Variants in SMPDL3A observed in about 807,000 individuals in gnomAD.
SMPDL3A encodes cyclic GMP-AMP phosphodiesterase SMPDL3A.
SMPDL3A carries 39 observed loss-of-function variants against 38.5 expected under a neutral mutation model. The ratio of observed to expected loss-of-function variants is 1.01; its 90% confidence interval spans 0.78 to 1.32. The LOEUF is 1.32. Among genes scored for constraint, SMPDL3A ranks in the 40% most tolerant of loss-of-function variants. SMPDL3A has a pLI of 0.00. For missense variants in SMPDL3A, 502 were observed against 536.2 expected (o/e 0.94, Z 0.63); for synonymous variants, 180 against 194.3 (o/e 0.93, Z 0.61).
chr6:122,789,576 G>A, intron 1 of SMPDL3A, 118 bp downstream of exon 1: 1 of 1,013,194 alleles, frequency 9.9e-7, no homozygotes, highest in Non-Finnish European at 1.5e-6. Flanking sequence ...TCGGGCTAGC[G>A]GGGCCCCTGA....
At position 122,806,314 on chromosome 6, in the gene SMPDL3A, G is replaced by T. The variant is rs768565000; in HGVS notation, c.1001G>T (p.Gly334Val). The change falls in exon 7 of 8, where the codon GGT (glycine) becomes GTT (valine). Residue 334 changes from glycine (G) to valine (V), a missense_variant. Physicochemically the swap from Gly to Val is moderately radical, Grantham distance 109 (BLOSUM62 -3). Coordinates refer to ENST00000368440, the MANE Select transcript of SMPDL3A (RefSeq NM_006714.5). ...TTAGAAAAACAGACCAACAATCCTG[G>T]TATCAGACTGTTTCAGTATGATCCT... ...SVLEKQTNNP[G>V]IRLFQYDPRD... 38 of 1,613,194 alleles carry T rather than the reference G, an allele frequency of 2.4e-5. No homozygotes were observed. The highest frequency in any genetic ancestry group is 3.2e-5 in the Non-Finnish European group (38 of 1,179,446).
intron 3 of SMPDL3A, among the ~76,000 whole-genome samples, chr6:122,797,934 G>C (rs1422936449): frequency 6.6e-6 from 1 of 152,142 alleles, no homozygotes; most frequent in Non-Finnish European, 1.5e-5. Flanking sequence ...CCATACGCTA[G>C]ATCTTTTTAC....
chr6:122,801,338 T>G lies in SMPDL3A; in HGVS notation c.500T>G (p.Val167Gly), dbSNP rs148272814. Residue 167 changes from valine to glycine, a missense_variant, in exon 4 of 8, where the codon GTG (valine) becomes GGG (glycine). Transcript: ENST00000368440. Reference protein sequence around the residue: ...QDQLPVVTSKVYNAVANLWKP... With the variant: ...QDQLPVVTSKGYNAVANLWKP... Reference sequence around the variant, plus strand: ...CAACTGCCTGTAGTCACCAGTAAAGTGTACAATGCAGTAGCAAACCTCTGG... The same window carrying G: ...CAACTGCCTGTAGTCACCAGTAAAGGGTACAATGCAGTAGCAAACCTCTGG... The G allele has an allele frequency of 2.2e-4, 357 of 1,613,446 alleles. 1 individual carries two copies. In the African/African-American group the frequency reaches 4.5e-3, roughly 21 times the overall value.
At position 122,805,043 on chromosome 6, in the gene SMPDL3A, T is replaced by C. The variant is rs1582556455; in HGVS notation, c.873T>C (p.Tyr291=). The C allele has an allele frequency of 1.2e-6, 2 of 1,613,186 alleles. No homozygotes were observed. ...GTGATGTCATTGCAGGACAATTTTA[T>C]GGACACACTCACAGAGACAGCATTA... ...KYSDVIAGQF[Y]GHTHRDSIMV... Residue 291 remains tyrosine, a synonymous_variant, in exon 6 of 8, where the codon TAT becomes TAC. Transcript: ENST00000368440.
chr6:122,799,801 T>C (rs2115168152), intron 3 of SMPDL3A, among the ~76,000 whole-genome samples: 2 of 152,270 alleles, frequency 1.3e-5, no homozygotes, highest in East Asian at 3.9e-4. Flanking sequence ...AAAATAACTT[T>C]TGATAAACTC....
At chr6:122,802,305 G>A (rs943852296) in intron 4 of SMPDL3A, among the ~76,000 whole-genome samples, 4 of 150,730 alleles carry the variant, frequency 2.7e-5, no homozygotes, top group Admixed American at 6.6e-5. Flanking sequence ...GGTTTCAAGC[G>A]ATTCTCCTGC....
chr6:122,793,984 T>C (rs1781159274), intron 1 of SMPDL3A, among the ~76,000 whole-genome samples: 1 of 152,184 alleles, frequency 6.6e-6, no homozygotes, highest in African/African-American at 2.4e-5. Context: ...AAAAAATCTC[T>C]TTATTAAAAC....
In SMPDL3A at chr6:122,808,942, C is replaced by T. The variant is rs1781758010; in HGVS notation, c.1045-149C>T. On this transcript the variant is annotated intron_variant, in intron 7 of 7. Transcript: ENST00000368440. ...CTCCTGACCTCAGGTAACCCACCTG[C>T]CTCAGCCTCTCAAAGTGCTAGGATT... 6 of 636,372 alleles carry T rather than the reference C, an allele frequency of 9.4e-6. No homozygotes were observed. In the South Asian group the frequency reaches 1.2e-4, roughly 13 times the overall value. The allele number at this position is 636,372 out of a possible 1,614,324, so 39.4% of individuals were successfully genotyped here.
At position 122,804,816 on chromosome 6, in the gene SMPDL3A, A is replaced by G. The variant is rs1004632029; in HGVS notation, c.739-93A>G. On this transcript the variant is annotated intron_variant, in intron 5 of 7. Transcript: ENST00000368440. ...ATATTTGCTTTCTAAATTTTAATTA[A>G]TATACTTTCAATCTTGGGTATCCAA... The G allele has an allele frequency of 4.5e-5, 46 of 1,027,532 alleles. 1 individual carries two copies. In the Admixed American group the frequency reaches 7.4e-4, roughly 16 times the overall value. 63.7% of individuals were successfully genotyped at this position (1,027,532 alleles called of 1,614,324 possible). A position where few individuals can be genotyped will look rare whatever the true frequency, so the allele number is the denominator to read the frequency against.
chr6:122,801,246 T>C (rs139425917), intron 3 of SMPDL3A, 64 bp from the exon 4 acceptor site: 11,308 of 1,114,074 alleles, frequency 0.01, 81 homozygotes, highest in Non-Finnish European at 0.014. Flanking sequence ...GCTCAAGTAG[T>C]GTTTACATTA....
rs1163895098 is a variant in SMPDL3A, at chr6:122,792,264, A to C, written c.112+2806A>C. ...CAGTGAATTTAAATGATTATCCCCT[A>C]ATTTATCTGTCTGGAATGCCATGCA... On this transcript the variant is annotated intron_variant, in intron 1 of 7. Coordinates refer to ENST00000368440, the MANE Select transcript of SMPDL3A (RefSeq NM_006714.5). 2.6e-5 allele frequency among the ~76,000 whole-genome samples: 4 copies of C among 152,264 alleles called. No homozygotes were observed. In the East Asian group the frequency reaches 7.7e-4, roughly 29 times the overall value.
At position 122,809,400 on chromosome 6, in the gene SMPDL3A, A is replaced by T. The variant is rs753742347; in HGVS notation, c.1354A>T (p.Asn452Tyr). 9.4e-6 allele frequency: 15 copies of T among 1,599,218 alleles called. No individual in the cohort carries two copies. The highest frequency in any genetic ancestry group is 1.2e-5 in the Non-Finnish European group (14 of 1,169,628). ...CCTCAAACAGCTTTATATAAAGCAC[A>T]ATTACTAGTATTTCACAGTTTTTGC... ...DCLKQLYIKH[N>Y]Y Residue 452 changes from asparagine (N) to tyrosine (Y), a missense_variant, in exon 8 of 8, where the codon AAT becomes TAT. Physicochemically the swap from Asn to Tyr is moderately radical, Grantham distance 143. Transcript: ENST00000368440.
chr6:122,792,973 G>A (rs570587817), intron 1 of SMPDL3A, among the ~76,000 whole-genome samples: 1 of 152,292 alleles, frequency 6.6e-6, no homozygotes, highest in Admixed American at 6.5e-5. Flanking sequence ...TGTGGACTCT[G>A]GAGTCAGATT....
chr6:122,804,962 C>T lies in SMPDL3A; in HGVS notation c.792C>T (p.Ile264=), dbSNP rs746511092. The change falls in exon 6 of 8, where the codon ATC becomes ATT. Residue 264 remains isoleucine, a synonymous_variant. Coordinates refer to ENST00000368440, the MANE Select transcript of SMPDL3A (RefSeq NM_006714.5). ...GGTATCTGCCATCTTCACAGAACAT[C>T]ACAGCAATGAGAGAATACTATAATG... The part of the protein sequence containing the change: ...PVGYLPSSQN[I]TAMREYYNEK... 2.5e-6 allele frequency: 4 copies of T among 1,613,070 alleles called. No individual in the cohort carries two copies. Among genetic ancestry groups the T allele is most frequent in the Non-Finnish European group, 3.4e-6 (4 of 1,179,702 alleles).
chr6:122,802,235 C>G (rs1214509238), intron 4 of SMPDL3A, among the ~76,000 whole-genome samples: 1 of 139,722 alleles, frequency 7.2e-6, no homozygotes, highest in Non-Finnish European at 1.5e-5. Flanking sequence ...GAGTTCCACT[C>G]TTGTTGCCCA....
chr6:122,808,710 G>A (rs138418734), intron 7 of SMPDL3A, among the ~76,000 whole-genome samples: 1,474 of 140,280 alleles, frequency 0.011, 42 homozygotes, highest in African/African-American at 0.037. Context: ...GTCTTGCTCT[G>A]TCACCCAGGC....
chr6:122,805,142 G>A (rs981067755), intron 6 of SMPDL3A, 53 bp downstream of exon 6: 27 of 1,394,718 alleles, frequency 1.9e-5, no homozygotes, highest in East Asian at 5.1e-5. Context: ...AGAGCAAAGC[G>A]GTGAATATCC....
intron 3 of SMPDL3A, among the ~76,000 whole-genome samples, chr6:122,800,329 T>A (rs1197765550): frequency 6.6e-6 from 1 of 152,212 alleles, no homozygotes. Flanking sequence ...CTTCTCCAAA[T>A]CAAAAGCATG....
In SMPDL3A at chr6:122,805,089, G is replaced by T. The variant is rs765411836; in HGVS notation, c.919G>T (p.Gly307Ter). 1.9e-6 allele frequency: 3 copies of T among 1,598,320 alleles called. No individual in the cohort carries two copies. The highest frequency in any genetic ancestry group is 8.5e-7 in the Non-Finnish European group (1 of 1,173,958). Residue 307 changes from glycine to a stop codon, truncating the protein, a stop_gained and splice_region_variant, in exon 6 of 8, where the codon GGA (glycine) becomes TGA (stop). Coordinates refer to ENST00000368440, the MANE Select transcript of SMPDL3A (RefSeq NM_006714.5). LOFTEE classifies it high-confidence loss of function. ...CATTATGGTTCTTTCAGATAAAAAA[G>T]GTAATGTAATGCTGTGTTTGCATCT... The part of the protein sequence containing the change: ...DSIMVLSDKK[G>*]SPVNSLFVAP...
Sources: gnomAD v4.1 joint callset for allele counts (sites outside exome capture counted in the v4.1 genomes callset) on GRCh38, gnomAD v4.1.1 for gene constraint, MANE v1.5 for transcripts, NCBI Gene and HGNC (gene_info 2026-07-23, HGNC 2026-07-21) for gene names.